PCDHGC4: variants seen among roughly 807,000 people sequenced by gnomAD.
PCDHGC4 encodes protocadherin gamma-C4.
A neutral mutation model predicts 59.7 loss-of-function variants in PCDHGC4; 15 were observed. That is an observed-to-expected ratio of 0.25 (90% CI 0.17 to 0.39). PCDHGC4 has a LOEUF of 0.39. Among genes scored for constraint, PCDHGC4 ranks in the 10% least tolerant of loss-of-function variants. The probability of loss-of-function intolerance (pLI) is 1.00; values close to 1 mark genes in which losing one functional copy is unlikely to be tolerated. For missense variants in PCDHGC4, 1,016 were observed against 1,189.5 expected, an observed-to-expected ratio of 0.85 and a Z score of 2.15; for synonymous variants, 434 against 481.4, an observed-to-expected ratio of 0.90 and a Z score of 1.29.
At chr5:141,506,930 T>C (rs2099857287) in intron 3 of PCDHGC4, among the ~76,000 whole-genome samples, 1 of 152,150 alleles carries the variant, frequency 6.6e-6, no homozygotes, top group African/African-American at 2.4e-5. Context: ...AAACAAACTT[T>C]AGGGGCCTCC....
chr5:141,489,962 C>A lies in PCDHGC4; in HGVS notation c.2442+2347C>A. The A allele has an allele frequency of 6.2e-7, 1 of 1,614,184 alleles. No individual in the cohort carries two copies. The highest frequency in any genetic ancestry group is 8.5e-7 in the Non-Finnish European group (1 of 1,180,008). ...CTGGACATCAATGATAATGCTCCAA[C>A]CTTCCAATCCTCAGTTCTACGTGTG... is the stretch of plus-strand genomic sequence containing the variant. On this transcript the variant is annotated intron_variant, in intron 1 of 3. Transcript: ENST00000306593. This position sits in a 1 kb window ranked among gnomAD's most constrained non-coding sequence, Gnocchi z 4.5.
intron 2 of PCDHGC4, among the ~76,000 whole-genome samples, chr5:141,500,333 A>G (rs1237684682): frequency 6.6e-6 from 1 of 151,336 alleles, no homozygotes; most frequent in Non-Finnish European, 1.5e-5. Context: ...CTCAGCCTCC[A>G]GAATAGCTGG....
Position 141,489,331 on chromosome 5 carries a change from C to G in PCDHGC4, c.2442+1716C>G. ...CTGCTGGGGCTGGGTGTCTGGGCAG[C>G]TTCGTTACTCAGTGGTGGAGGAGTC... On this transcript the variant is annotated intron_variant, in intron 1 of 3. Coordinates refer to ENST00000306593, the MANE Select transcript of PCDHGC4 (RefSeq NM_018928.3). The surrounding 1 kb of genome is among the most constrained non-coding windows in gnomAD (Gnocchi z 4.5). 1 of 1,605,478 alleles carries G rather than the reference C, an allele frequency of 6.2e-7. No homozygotes were observed. Among genetic ancestry groups the G allele is most frequent in the Non-Finnish European group, 8.5e-7 (1 of 1,174,878 alleles).
chr5:141,510,880 G>T (rs373993657), intron 3 of PCDHGC4, 67 bp from the exon 4 acceptor site: 1 of 1,611,902 alleles, frequency 6.2e-7, no homozygotes. Context: ...AACTGCTGGG[G>T]ATATAAGACA....
At position 141,489,076 on chromosome 5, in the gene PCDHGC4, C is replaced by T. The variant is rs536134432; in HGVS notation, c.2442+1461C>T. The T allele has an allele frequency of 6.1e-6, 2 of 326,424 alleles. No individual in the cohort carries two copies. Among genetic ancestry groups the T allele is most frequent in the East Asian group, 5.8e-5 (1 of 17,220 alleles). 20.2% of individuals were successfully genotyped at this position (326,424 alleles called of 1,614,324 possible). On this transcript the variant is annotated intron_variant, in intron 1 of 3. Coordinates refer to ENST00000306593, the MANE Select transcript of PCDHGC4 (RefSeq NM_018928.3). The surrounding 1 kb of genome is among the most constrained non-coding windows in gnomAD (Gnocchi z 4.5). The stretch of plus-strand genomic sequence containing the variant: ...CAGCTCCCCTCCCCCCTGCCCACCC[C>T]CGCCACTCGGTGACTAAGAACTGCT...
rs778589637 is a variant in PCDHGC4 at position 141,487,133 on chromosome 5, C to T, written c.1960C>T (p.Pro654Ser). The change falls in exon 1 of 4, where the codon CCA (proline) becomes TCA (serine). Residue 654 changes from proline (P) to serine (S), a missense_variant. Physicochemically the swap from Pro to Ser is moderately conservative, Grantham distance 74. Coordinates refer to ENST00000306593, the MANE Select transcript of PCDHGC4 (RefSeq NM_018928.3). The surrounding 1 kb of genome is among the most constrained non-coding windows in gnomAD (Gnocchi z 5.0). ...VIVVKDSGSPPLSTSVTLLVS... is the reference protein window; with the variant it reads ...VIVVKDSGSPSLSTSVTLLVS... ...TGTGGTAAAGGATAGTGGTAGTCCA[C>T]CACTCTCTACCTCTGTTACTCTCTT... 8.7e-6 allele frequency: 14 copies of T among 1,613,932 alleles called. No homozygotes were observed. In the South Asian group the frequency reaches 1.5e-4, roughly 18 times the overall value.
intron 2 of PCDHGC4, among the ~76,000 whole-genome samples, chr5:141,504,422 T>G (rs1375202110): frequency 6.6e-6 from 1 of 152,078 alleles, no homozygotes; most frequent in Admixed American, 6.6e-5. Context: ...AGACAGGCAC[T>G]ACAACAGCTG....
chr5:141,494,705 G>C, intron 1 of PCDHGC4, 102 bp from the exon 2 acceptor site: 1 of 1,597,990 alleles, frequency 6.3e-7, no homozygotes, highest in Non-Finnish European at 8.6e-7. Flanking sequence ...TTTCTTCTCT[G>C]TGCCCACTCC....
At position 141,491,410 on chromosome 5, in the gene PCDHGC4, G is replaced by A. The variant is rs777207581; in HGVS notation, c.2443-3397G>A. The A allele has an allele frequency of 1.9e-6, 3 of 1,614,024 alleles. No homozygotes were observed. Among genetic ancestry groups the A allele is most frequent in the Admixed American group, 1.7e-5 (1 of 60,006 alleles). ...GTGCCTTCAGGGAAACGCAGACGGGGACGGGGGTGGAGGGCAGTGCTGCAG... is the reference window on the plus strand; with the variant it reads ...GTGCCTTCAGGGAAACGCAGACGGGAACGGGGGTGGAGGGCAGTGCTGCAG... On this transcript the variant is annotated intron_variant, in intron 1 of 3. Transcript: ENST00000306593. The surrounding 1 kb of genome is among the most constrained non-coding windows in gnomAD (Gnocchi z 6.9).
intron 2 of PCDHGC4, among the ~76,000 whole-genome samples, chr5:141,501,506 G>A (rs770097282): frequency 1.3e-5 from 2 of 151,864 alleles, no homozygotes; most frequent in Non-Finnish European, 2.9e-5. Context: ...GGGGCTCCAA[G>A]GCCTCCAAGC....
At chr5:141,502,887 G>T (rs2099816882) in intron 2 of PCDHGC4, among the ~76,000 whole-genome samples, 1 of 40,910 alleles carries the variant, frequency 2.4e-5, no homozygotes, top group Non-Finnish European at 4.5e-5. Context: ...TTTTGACAGG[G>T]AGTCTAGCTC....
At chr5:141,492,070 G>T (rs1408035481) in intron 1 of PCDHGC4, 1 of 477,946 alleles carries the variant, frequency 2.1e-6, no homozygotes. Context: ...CCTCCTAGGC[G>T]CCGGCTCCGG....
intron 1 of PCDHGC4, among the ~76,000 whole-genome samples, chr5:141,488,839 G>A (rs954244872): frequency 2.6e-5 from 4 of 152,206 alleles, no homozygotes; most frequent in African/African-American, 9.6e-5. Flanking sequence ...CAAGGGGGCT[G>A]AATCAACCTG....
intron 2 of PCDHGC4, among the ~76,000 whole-genome samples, chr5:141,504,909 G>C (rs948719729): frequency 6.6e-6 from 1 of 152,002 alleles, no homozygotes; most frequent in Non-Finnish European, 1.5e-5. Context: ...ACTATGACAG[G>C]AAGCCAGGCT....
intron 1 of PCDHGC4, among the ~76,000 whole-genome samples, chr5:141,488,854 A>G (rs923370040): frequency 1.3e-5 from 2 of 152,226 alleles, no homozygotes; most frequent in Admixed American, 1.3e-4. Context: ...AACCTGCAGC[A>G]CGAAGTGAGT....
At position 141,489,644 on chromosome 5, in the gene PCDHGC4, C is replaced by T. The variant is rs1244782345; in HGVS notation, c.2442+2029C>T. 11 of 1,614,070 alleles carry T rather than the reference C, an allele frequency of 6.8e-6. No individual in the cohort carries two copies. The Admixed American group carries it at 1.8e-4, about 27-fold the overall frequency. ...AATGACAACTCTCCTAGCTTTGCCA[C>T]CCCTGAGCGAGAGATGCGCATCTCA... is the stretch of plus-strand genomic sequence containing the variant. On this transcript the variant is annotated intron_variant, in intron 1 of 3. Coordinates refer to ENST00000306593, the MANE Select transcript of PCDHGC4 (RefSeq NM_018928.3). The surrounding 1 kb of genome is among the most constrained non-coding windows in gnomAD (Gnocchi z 4.5).
At chr5:141,501,869 C>G (rs1595765055) in intron 2 of PCDHGC4, among the ~76,000 whole-genome samples, 1 of 152,130 alleles carries the variant, frequency 6.6e-6, no homozygotes, top group Non-Finnish European at 1.5e-5. Context: ...CCCAGGACGC[C>G]TCCTTACACT....
intron 3 of PCDHGC4, among the ~76,000 whole-genome samples, chr5:141,506,435 G>C (rs1470687416): frequency 7.9e-6 from 1 of 126,278 alleles, no homozygotes; most frequent in East Asian, 2.1e-4. Flanking sequence ...CAACAGTCTC[G>C]CTCTGTCTCA....
rs761704779 is a variant in PCDHGC4 at position 141,486,764 on chromosome 5, C to T, written c.1591C>T (p.Leu531=). ...RSFDYEQTQT[L]QFEVQARDRG... is the part of the protein sequence containing the mutation. ...CTTTGACTATGAGCAAACCCAGACA[C>T]TGCAGTTTGAGGTGCAGGCCCGGGA... Residue 531 remains leucine, a synonymous_variant, in exon 1 of 4, where the codon CTG becomes TTG. Transcript: ENST00000306593. This position sits in a 1 kb window ranked among gnomAD's most constrained non-coding sequence, Gnocchi z 5.0. 6.2e-7 allele frequency: 1 copy of T among 1,614,264 alleles called. No homozygotes were observed. The highest frequency in any genetic ancestry group is 2.2e-5 in the East Asian group (1 of 44,880).
Sources: allele counts gnomAD v4.1 joint callset (sites outside exome capture counted in the v4.1 genomes callset), GRCh38; gene constraint gnomAD v4.1.1; non-coding constraint Gnocchi (gnomAD v3.1); transcripts MANE v1.5; gene names NCBI Gene and HGNC (gene_info 2026-07-23, HGNC 2026-07-21).